The following DTNB variants were observed in gnomAD, a reference collection of about 807,000 sequenced individuals.
DTNB encodes dystrobrevin beta.
In DTNB, 63 loss-of-function variants were observed where a neutral mutation model predicts 90.7. The ratio of observed to expected loss-of-function variants is 0.69; its 90% CI spans 0.57 to 0.86. The LOEUF (loss-of-function observed/expected upper bound fraction) is 0.86. Among genes scored for constraint, DTNB ranks in the 40% least tolerant of loss-of-function variants. The probability of loss-of-function intolerance (pLI) is 0.00; values close to 1 mark genes in which losing one functional copy is unlikely to be tolerated. For synonymous variants in DTNB, 277 were observed against 286.7 expected (o/e 0.97, Z 0.34); for missense variants, 744 against 807.1 (o/e 0.92, Z 0.95).
chr2:25,452,506 C>T (rs906566626), intron 11 of DTNB, among the ~76,000 whole-genome samples: 1 of 152,156 alleles, frequency 6.6e-6, no homozygotes, highest in Non-Finnish European at 1.5e-5. Context: ...GACTAAATGA[C>T]CAGAGGTGGC....
rs966539108 is a variant in DTNB, at chr2:25,509,161, C to T, written c.1001+22312G>A. The stretch of plus-strand genomic sequence containing the variant: ...CTGAATGCCTTTAATTTCTTTTTCT[C>T]GTATTACTGCACTAGCTAGGATCAC... On this transcript the variant is annotated intron_variant, in intron 9 of 20. Coordinates refer to ENST00000406818, the MANE Select transcript of DTNB (RefSeq NM_021907.5). Among the ~76,000 whole-genome samples, 9 of 152,096 alleles carry T rather than the reference C, an allele frequency of 5.9e-5. No homozygotes were observed. The East Asian group carries it at 9.6e-4, about 16-fold the overall frequency.
At chr2:25,495,118 T>G (rs1031344897) in intron 9 of DTNB, among the ~76,000 whole-genome samples, 2 of 151,808 alleles carry the variant, frequency 1.3e-5, no homozygotes, top group African/African-American at 4.8e-5. Flanking sequence ...CAGGCTGGAG[T>G]GCAGCGGTGC....
At chr2:25,446,943 A>C (rs193280369) in intron 12 of DTNB, among the ~76,000 whole-genome samples, 1 of 152,144 alleles carries the variant, frequency 6.6e-6, no homozygotes, top group Admixed American at 6.5e-5. Context: ...TGTTTTGGAA[A>C]ATTTTCTTAA....
At chr2:25,633,528 C>A (rs2076261741) in intron 3 of DTNB, among the ~76,000 whole-genome samples, 1 of 152,098 alleles carries the variant, frequency 6.6e-6, no homozygotes, top group Non-Finnish European at 1.5e-5. Context: ...CTCCACCTCC[C>A]AGCCGCCTGC....
intron 16 of DTNB, chr2:25,399,364 T>TTTTTTTTTTTTTTTTG (rs70947887): frequency 8.0e-5 from 12 of 149,726 alleles, no homozygotes; most frequent in African/African-American, 1.7e-4. Context: ...TTTTTTTTTT[T>TTTTTTTTTTTTTTTTG]AGACAGGATC....
chr2:25,482,662 TC>T (rs1382283704), intron 10 of DTNB, 133 bp downstream of exon 10: 1 of 850,062 alleles, frequency 1.2e-6, no homozygotes, highest in Non-Finnish European at 1.9e-6. Context: ...TAAAAGACGG[TC>T]AAAGGAAGAG....
intron 18 of DTNB, chr2:25,386,100 T>C (rs1374397670): frequency 3.5e-5 from 34 of 985,132 alleles, no homozygotes; most frequent in African/African-American, 5.3e-5. Context: ...CTGATGGGGG[T>C]TGAGAAACAG....
At chr2:25,670,107 G>C (rs540411963) in intron 1 of DTNB, among the ~76,000 whole-genome samples, 1 of 152,280 alleles carries the variant, frequency 6.6e-6, no homozygotes, top group East Asian at 1.9e-4. Context: ...CTACATAAGA[G>C]ATTGTGTAGT....
chr2:25,414,266 G>GT (rs2149752144), intron 16 of DTNB, among the ~76,000 whole-genome samples: 1 of 152,124 alleles, frequency 6.6e-6, no homozygotes, highest in South Asian at 2.1e-4. Flanking sequence ...TTGTTTGTTT[G>GT]TTTTTGGAGA....
At position 25,455,432 on chromosome 2, in the gene DTNB, T is replaced by C. The variant is rs963717744; in HGVS notation, c.1142A>G (p.Tyr381Cys). ...LADEHALIAS[Y>C]VARLQHCARV... ...TGCACAGTGCTGCAGACGGGCCACA[T>C]AGGAGGCTATCAGCGCATGCTCATC... The change falls in exon 11 of 21, where the codon TAT becomes TGT. Residue 381 changes from tyrosine (Y) to cysteine (C), a missense_variant. Tyr to Cys is a radical substitution (Grantham distance 194, BLOSUM62 -2). Coordinates refer to ENST00000406818, the MANE Select transcript of DTNB (RefSeq NM_021907.5). 1 of 1,604,484 alleles carries C rather than the reference T, an allele frequency of 6.2e-7. No homozygotes were observed. The highest frequency in any genetic ancestry group is 8.5e-7 in the Non-Finnish European group (1 of 1,175,884).
intron 2 of DTNB, among the ~76,000 whole-genome samples, chr2:25,648,406 C>T (rs1484968976): frequency 6.6e-6 from 1 of 151,128 alleles, no homozygotes; most frequent in East Asian, 1.9e-4. Flanking sequence ...GTAAAAACTA[C>T]TGTCTAAAAA....
intron 19 of DTNB, among the ~76,000 whole-genome samples, chr2:25,380,292 T>C (rs776838940): frequency 2.5e-4 from 38 of 152,216 alleles, no homozygotes; most frequent in Non-Finnish European, 5.0e-4. Flanking sequence ...TCCAGGTGAC[T>C]GCAGTTAGTC....
chr2:25,457,449 G>T (rs959274348), intron 10 of DTNB, among the ~76,000 whole-genome samples: 2 of 152,180 alleles, frequency 1.3e-5, no homozygotes, highest in Non-Finnish European at 2.9e-5. Flanking sequence ...TAGGCTCACC[G>T]ATTCTAGGCC....
intron 6 of DTNB, among the ~76,000 whole-genome samples, chr2:25,581,186 G>A (rs987524215): frequency 2.0e-5 from 3 of 152,020 alleles, no homozygotes; most frequent in East Asian, 1.9e-4. Flanking sequence ...CACCATTTCC[G>A]CTTTCCAGTG....
chr2:25,667,574 T>C (rs923890880), intron 1 of DTNB, among the ~76,000 whole-genome samples: 2 of 152,148 alleles, frequency 1.3e-5, no homozygotes, highest in African/African-American at 4.8e-5. Context: ...TGACTAAATA[T>C]TATTCCAGGT....
intron 2 of DTNB, 62 bp downstream of exon 2, chr2:25,652,532 T>TTAAA: frequency 7.9e-7 from 1 of 1,271,836 alleles, no homozygotes; most frequent in Non-Finnish European, 1.0e-6. Context: ...TGACTTGATC[T>TTAAA]AAAAAAAAAA....
intron 4 of DTNB, among the ~76,000 whole-genome samples, chr2:25,617,469 CTT>C (rs1428857117): frequency 6.6e-6 from 1 of 152,178 alleles, no homozygotes; most frequent in Non-Finnish European, 1.5e-5. Flanking sequence ...ATTCAAATCA[CTT>C]TTCATTTACC....
intron 16 of DTNB, among the ~76,000 whole-genome samples, chr2:25,409,252 TTCAC>T (rs753532906): frequency 2.2e-4 from 34 of 152,040 alleles, no homozygotes; most frequent in Non-Finnish European, 3.8e-4. Flanking sequence ...CATTCATTCA[TTCAC>T]TCATTCATTC....
chr2:25,432,246 CCTTT>C (rs1396256397), intron 14 of DTNB, among the ~76,000 whole-genome samples: 1 of 149,296 alleles, frequency 6.7e-6, no homozygotes, highest in Non-Finnish European at 1.5e-5. Flanking sequence ...CACACACACC[CCTTT>C]CTAAGGCTCA....
Sources: gnomAD v4.1 joint callset for allele counts (sites outside exome capture counted in the v4.1 genomes callset) on GRCh38, gnomAD v4.1.1 for gene constraint, MANE v1.5 for transcripts, NCBI Gene and HGNC (gene_info 2026-07-23, HGNC 2026-07-21) for gene names.